ZDHHC11B: variants seen among roughly 807,000 people sequenced by gnomAD.
ZDHHC11B encodes the protein zDHHC palmitoyltransferase 11B (putative), also known as probable palmitoyltransferase ZDHHC11B.
In ZDHHC11B, 17 loss-of-function variants were observed where a neutral mutation model predicts 42.3. That is an observed-to-expected ratio of 0.40 (90% CI 0.27 to 0.60). The LOEUF (loss-of-function observed/expected upper bound fraction) is 0.60, where lower values mean the gene tolerates loss of function less well. Among genes scored for constraint, ZDHHC11B ranks in the 20% least tolerant of loss-of-function variants. The pLI is 0.41. For synonymous variants in ZDHHC11B, 123 were observed against 193.5 expected, an observed-to-expected ratio of 0.64 and a Z score of 3.02; for missense variants, 262 against 463.2, an observed-to-expected ratio of 0.57 and a Z score of 3.99.
At chr5:724,885 C>G (rs1378519803) in intron 12 of ZDHHC11B, among the ~76,000 whole-genome samples, 1 of 147,790 alleles carries the variant, frequency 6.8e-6, no homozygotes, top group Non-Finnish European at 1.5e-5. Flanking sequence ...AACTGTCTGC[C>G]CATCACTCTG....
At chr5:752,363 TC>T (rs1375919303) in intron 6 of ZDHHC11B, among the ~76,000 whole-genome samples, 1 of 97,102 alleles carries the variant, frequency 1.0e-5, no homozygotes, top group East Asian at 4.4e-4. Flanking sequence ...CCAAATCCAC[TC>T]CCAGTCTCTC....
In ZDHHC11B at chr5:727,234, G is replaced by A. The variant is rs1215950374; in HGVS notation, c.1058+3200C>T. ...CTGGCGCTGCCCCCAGCACGTTTCC[G>A]TGAAGGACGGAGCTTCTGGGGCAAC... On this transcript the variant is annotated intron_variant, in intron 12 of 13. Transcript: ENST00000508859. Among the ~76,000 whole-genome samples the A allele has an allele frequency of 4.6e-5, 6 of 131,224 alleles. 1 individual carries two copies. The highest frequency in any genetic ancestry group is 1.1e-4 in the African/African-American group (4 of 37,368). The allele number at this position is 131,224 out of a possible 152,430, so 86.1% of individuals were successfully genotyped here. A position where few individuals can be genotyped will look rare whatever the true frequency, so the allele number is the denominator to read the frequency against.
At chr5:730,556 A>T in intron 11 of ZDHHC11B, 88 bp from the exon 12 acceptor site, 1 of 1,372,316 alleles carries the variant, frequency 7.3e-7, no homozygotes, top group Non-Finnish European at 9.8e-7. Flanking sequence ...CAAGTTCATT[A>T]CTAGTCAGTT....
rs1328008762 is a variant in ZDHHC11B, at chr5:737,569, C to T, written c.936-3730G>A. The stretch of plus-strand genomic sequence containing the variant: ...AATCCTCAACAAAATACTAGCGAAC[C>T]GAATCAAACAGCATAGCAAAAAGAT... On this transcript the variant is annotated intron_variant, in intron 10 of 13. Transcript: ENST00000508859. Among the ~76,000 whole-genome samples the T allele has an allele frequency of 4.0e-5, 6 of 149,228 alleles. No individual in the cohort carries two copies. In the South Asian group the frequency reaches 6.7e-4, roughly 17 times the overall value.
chr5:745,564 G>T (rs56921179), intron 8 of ZDHHC11B, among the ~76,000 whole-genome samples: 4 of 149,660 alleles, frequency 2.7e-5, no homozygotes, highest in Non-Finnish European at 4.4e-5. Context: ...CGCCTGCCAA[G>T]GCCTCATTGA....
At position 720,562 on chromosome 5, in the gene ZDHHC11B, C is replaced by G. The variant is rs78476975; in HGVS notation, c.1059-3697G>C. On this transcript the variant is annotated intron_variant, in intron 12 of 13. Coordinates refer to ENST00000508859, the MANE Select transcript of ZDHHC11B (RefSeq NM_001351303.2). ...TAGTCCTAAATGAAGAGACATTAGA[C>G]AGTAACTCAAAACCATACAAAGAAA... 9.8e-3 allele frequency among the ~76,000 whole-genome samples: 1,489 copies of G among 151,414 alleles called. 1 individual carries two copies. The highest frequency in any genetic ancestry group is 0.017 in the Non-Finnish European group (1,170 of 67,608).
intron 13 of ZDHHC11B, among the ~76,000 whole-genome samples, chr5:713,768 C>G (rs1436859834): frequency 6.6e-6 from 1 of 151,954 alleles, no homozygotes; most frequent in Non-Finnish European, 1.5e-5. Context: ...AATGACTGAT[C>G]CCCCCTGATT....
intron 1 of ZDHHC11B, among the ~76,000 whole-genome samples, chr5:775,495 G>A (rs191100337): frequency 6.6e-6 from 1 of 151,940 alleles, no homozygotes; most frequent in African/African-American, 2.4e-5. Context: ...CTTGGGAAGG[G>A]ACCAGGCTGG....
At chr5:727,362 C>A (rs574874166) in intron 12 of ZDHHC11B, among the ~76,000 whole-genome samples, 1 of 146,498 alleles carries the variant, frequency 6.8e-6, no homozygotes, top group Non-Finnish European at 1.5e-5. Context: ...GCCAGGGAAA[C>A]GCTATCGGCC....
chr5:774,137 C>T (rs1379974008), intron 1 of ZDHHC11B, among the ~76,000 whole-genome samples: 4 of 152,016 alleles, frequency 2.6e-5, no homozygotes, highest in African/African-American at 9.7e-5. Context: ...CCCAACCCCA[C>T]AGGCTGTTCC....
chr5:732,918 G>A (rs764707609), intron 11 of ZDHHC11B, among the ~76,000 whole-genome samples: 2 of 151,824 alleles, frequency 1.3e-5, no homozygotes, highest in South Asian at 2.1e-4. Context: ...TTGGCTGGGT[G>A]TGGTGGCACA....
chr5:758,217 G>A (rs1734117287), intron 4 of ZDHHC11B, among the ~76,000 whole-genome samples: 2 of 151,904 alleles, frequency 1.3e-5, no homozygotes, highest in African/African-American at 2.4e-5. Context: ...GATGAGGCAG[G>A]AAGCTGCACT....
At chr5:746,783 T>C (rs1744892809) in intron 8 of ZDHHC11B, among the ~76,000 whole-genome samples, 1 of 149,378 alleles carries the variant, frequency 6.7e-6, no homozygotes. Context: ...ACAGTGGGCA[T>C]TGACTATTTT....
chr5:784,101 C>CG (rs139881473), intron 1 of ZDHHC11B, among the ~76,000 whole-genome samples: 5,013 of 149,948 alleles, frequency 0.033, 90 homozygotes, highest in African/African-American at 0.11. Context: ...GGAGGCTCTG[C>CG]GGGGGGCGGT....
chr5:779,076 T>C (rs1432564106), intron 1 of ZDHHC11B, among the ~76,000 whole-genome samples: 1 of 151,330 alleles, frequency 6.6e-6, no homozygotes, highest in African/African-American at 2.4e-5. Flanking sequence ...GAAGTGAACA[T>C]ATCATTTCAT....
At chr5:760,143 C>G (rs1356467279) in intron 4 of ZDHHC11B, among the ~76,000 whole-genome samples, 2 of 151,750 alleles carry the variant, frequency 1.3e-5, no homozygotes, top group Non-Finnish European at 2.9e-5. Context: ...GGCCGAGCCA[C>G]GGGCCAAAGG....
Position 730,409 on chromosome 5 carries a change from G to A in ZDHHC11B, c.1058+25C>T, listed in dbSNP as rs116584029. The A allele has an allele frequency of 1.9e-3, 3,057 of 1,574,690 alleles. 46 individuals carry two copies. The highest frequency in any genetic ancestry group is 0.018 in the Middle Eastern group (110 of 5,964). On this transcript the variant is annotated intron_variant, in intron 12 of 13. Coordinates refer to ENST00000508859, the MANE Select transcript of ZDHHC11B (RefSeq NM_001351303.2). ...AGGCAAGTGTACAGACAGATAAAAC[G>A]TTCCCATTAAACTTACGAACTTACC...
chr5:757,306 C>G (rs190147908), intron 4 of ZDHHC11B, among the ~76,000 whole-genome samples: 2 of 151,908 alleles, frequency 1.3e-5, no homozygotes, highest in Non-Finnish European at 2.9e-5. Flanking sequence ...TCCTCCTTGG[C>G]CCCAGGGGTG....
chr5:778,844 C>T (rs1162626533), intron 1 of ZDHHC11B, among the ~76,000 whole-genome samples: 5 of 151,920 alleles, frequency 3.3e-5, no homozygotes, highest in Non-Finnish European at 4.4e-5. Context: ...CCAAAATCCA[C>T]GCTGGAACCT....
Sources: allele counts gnomAD v4.1 joint callset (sites outside exome capture counted in the v4.1 genomes callset), GRCh38; gene constraint gnomAD v4.1.1; transcripts MANE v1.5; gene names NCBI Gene and HGNC (gene_info 2026-07-23, HGNC 2026-07-21).